Variants in BOD1 observed in about 807,000 individuals in gnomAD.
BOD1 encodes the protein biorientation of chromosomes in cell division 1, also known as biorientation of chromosomes in cell division protein 1.
Under a neutral mutation model 15.7 loss-of-function variants are expected in BOD1, and 11 were observed. The ratio of observed to expected loss-of-function variants is 0.70; its 90% CI spans 0.44 to 1.16. BOD1 has a LOEUF of 1.16. Among genes scored for constraint, BOD1 ranks in the 50% most tolerant of loss-of-function variants. BOD1 has a pLI of 0.00. For missense variants in BOD1, 182 were observed against 244.5 expected, an observed-to-expected ratio of 0.74 and a Z score of 1.70; for synonymous variants, 105 against 103.5, an observed-to-expected ratio of 1.01 and a Z score of -0.09.
intron 1 of BOD1, among the ~76,000 whole-genome samples, chr5:173,614,145 C>A (rs560809852): frequency 6.6e-6 from 1 of 152,234 alleles, no homozygotes; most frequent in Non-Finnish European, 1.5e-5. Context: ...TCCAAACGCA[C>A]GCCTACCACC....
At chr5:173,616,147 C>T in intron 1 of BOD1, 53 bp downstream of exon 1, 1 of 1,545,524 alleles carries the variant, frequency 6.5e-7, no homozygotes. Context: ...AAGCTGCCAC[C>T]CGGCGGCCTC....
At chr5:173,615,821 A>T (rs1427569046) in intron 1 of BOD1, among the ~76,000 whole-genome samples, 2 of 152,178 alleles carry the variant, frequency 1.3e-5, no homozygotes, top group African/African-American at 2.4e-5. Context: ...GTTTAATGCC[A>T]GCTTCTCAGT....
Position 173,608,003 on chromosome 5 carries a change from CTG to C in BOD1, c.*289_*290del. The C allele has an allele frequency of 2.2e-6, 1 of 459,290 alleles. No homozygotes were observed. Among genetic ancestry groups the C allele is most frequent in the East Asian group, 3.4e-5 (1 of 29,610 alleles). The allele number at this position is 459,290 out of a possible 1,614,324, so 28.5% of individuals were successfully genotyped here. A position where few individuals can be genotyped will look rare whatever the true frequency, so the allele number is the denominator to read the frequency against. ...AGTCTCCATGTTCAAGTATAAAAGTCTGTTTCAGGACAACCCTGGGTTGCTGT... is the reference window on the plus strand; with the variant it reads ...AGTCTCCATGTTCAAGTATAAAAGTCTTTCAGGACAACCCTGGGTTGCTGT... On this transcript the variant is annotated 3_prime_UTR_variant, in exon 4 of 4. Transcript: ENST00000311086.
intron 1 of BOD1, chr5:173,614,868 T>C (rs1267674734): frequency 6.6e-6 from 1 of 152,214 alleles, no homozygotes; most frequent in Non-Finnish European, 1.5e-5. Context: ...CTATATACAC[T>C]ACGCATGAAT....
intron 1 of BOD1, among the ~76,000 whole-genome samples, chr5:173,614,012 G>A (rs767937654): frequency 6.6e-6 from 1 of 152,222 alleles, no homozygotes. Flanking sequence ...CCTCTCTCTA[G>A]AGGAAGAAGC....
chr5:173,610,684 T>G (rs1341010986), intron 2 of BOD1, among the ~76,000 whole-genome samples: 2 of 152,194 alleles, frequency 1.3e-5, no homozygotes, highest in Admixed American at 1.3e-4. Flanking sequence ...ACCAAACCAC[T>G]TCCTGAGTCG....
At chr5:173,615,097 A>C (rs1374084011) in intron 1 of BOD1, among the ~76,000 whole-genome samples, 2 of 152,244 alleles carry the variant, frequency 1.3e-5, no homozygotes, top group Non-Finnish European at 2.9e-5. Context: ...GTCAATACAG[A>C]TCTGGGATGT....
intron 1 of BOD1, 71 bp downstream of exon 1, chr5:173,616,129 G>GA: frequency 1.3e-6 from 2 of 1,531,274 alleles, no homozygotes; most frequent in Non-Finnish European, 1.8e-6. Flanking sequence ...CTCGGCTTTC[G>GA]AAAATCAAAG....
intron 1 of BOD1, among the ~76,000 whole-genome samples, chr5:173,615,056 G>A (rs1389447223): frequency 6.6e-6 from 1 of 152,216 alleles, no homozygotes; most frequent in Non-Finnish European, 1.5e-5. Flanking sequence ...AATATGAATG[G>A]AGAACTTGTC....
intron 2 of BOD1, among the ~76,000 whole-genome samples, chr5:173,612,548 A>G (rs931656644): frequency 5.3e-5 from 8 of 152,100 alleles, no homozygotes; most frequent in South Asian, 4.2e-4. Context: ...GCAATCACTA[A>G]TGTGTTCTCC....
In BOD1 at chr5:173,608,132, C is replaced by A; in HGVS notation, c.*162G>T. On this transcript the variant is annotated 3_prime_UTR_variant, in exon 4 of 4. Transcript: ENST00000311086. ...GGTGACACGGTCAACTCTCCCACTGCCGAACTTGCTCCCCTTTCAATCTGG... is the reference window on the plus strand; with the variant it reads ...GGTGACACGGTCAACTCTCCCACTGACGAACTTGCTCCCCTTTCAATCTGG... 4.9e-6 allele frequency: 3 copies of A among 609,942 alleles called. No individual in the cohort carries two copies. Among genetic ancestry groups the A allele is most frequent in the South Asian group, 1.8e-5 (1 of 54,742 alleles). 37.8% of individuals were successfully genotyped at this position (609,942 alleles called of 1,614,324 possible).
Position 173,609,250 on chromosome 5 carries a change from C to T in BOD1, c.547G>A (p.Asp183Asn), listed in dbSNP as rs759545055. 6.2e-7 allele frequency: 1 copy of T among 1,613,772 alleles called. No homozygotes were observed. Among genetic ancestry groups the T allele is most frequent in the Non-Finnish European group, 8.5e-7 (1 of 1,179,826 alleles). Reference sequence around the variant, plus strand: ...TAGGATACTGGACCTTAGGAAGTGTCCTGAGATGGAGCTGGAGGGTCCTGG... The same window carrying T: ...TAGGATACTGGACCTTAGGAAGTGTTCTGAGATGGAGCTGGAGGGTCCTGG... The part of the protein sequence containing the change: ...EGQDPPAPSQ[D>N]TS The change falls in exon 3 of 4, where the codon GAC becomes AAC. Residue 183 changes from aspartate to asparagine, a missense_variant. Asp to Asn is a conservative substitution (Grantham distance 23). Around this residue, in one of 3 missense-constraint regions of BOD1, gnomAD observed 40 missense variants for 45.3 expected, o/e 0.88. Transcript: ENST00000311086.
At chr5:173,613,814 C>T (rs1755419089) in intron 1 of BOD1, among the ~76,000 whole-genome samples, 1 of 152,176 alleles carries the variant, frequency 6.6e-6, no homozygotes, top group Admixed American at 6.5e-5. Context: ...AAGAGAAAGG[C>T]AAGGAAATGG....
In BOD1 at chr5:173,610,014, GACAA is replaced by G. The variant is rs377604733; in HGVS notation, c.363-584_363-581del. ...GCAACTTGGAAGCAAACAAGAAATA[GACAA>G]ACAAATTAGTTCCAAGCTCCTAGAG... On this transcript the variant is annotated intron_variant, in intron 2 of 3. Transcript: ENST00000311086. 1.6e-3 allele frequency among the ~76,000 whole-genome samples: 244 copies of G among 152,276 alleles called. 1 individual carries two copies. The highest frequency in any genetic ancestry group is 5.7e-3 in the African/African-American group (235 of 41,556).
intron 3 of BOD1, 78 bp downstream of exon 3, chr5:173,609,160 G>T: frequency 1.4e-6 from 2 of 1,388,758 alleles, no homozygotes; most frequent in Non-Finnish European, 1.9e-6. Context: ...CTCAATTACG[G>T]CCTACCCCAT....
At position 173,608,074 on chromosome 5, in the gene BOD1, G is replaced by C. The variant is rs1325031331; in HGVS notation, c.*220C>G. ...GTGTCTACTTGGTGTCATGCCCTTG[G>C]ACAGGCTGGCCAAATGGCAGCACAA... On this transcript the variant is annotated 3_prime_UTR_variant, in exon 4 of 4. Coordinates refer to ENST00000311086, the MANE Select transcript of BOD1 (RefSeq NM_138369.3). The C allele has an allele frequency of 1.7e-6, 1 of 602,868 alleles. No homozygotes were observed. The highest frequency in any genetic ancestry group is 1.9e-5 in the African/African-American group (1 of 53,996). The allele number at this position is 602,868 out of a possible 1,614,324, so 37.3% of individuals were successfully genotyped here. A position where few individuals can be genotyped will look rare whatever the true frequency, so the allele number is the denominator to read the frequency against.
chr5:173,611,018 G>A (rs368586967), intron 2 of BOD1, among the ~76,000 whole-genome samples: 1 of 152,202 alleles, frequency 6.6e-6, no homozygotes, highest in East Asian at 1.9e-4. Context: ...CCAGAATGGT[G>A]AGAAGTAAAT....
In BOD1 at chr5:173,616,318, T is replaced by G. The variant is rs776534383; in HGVS notation, c.119A>C (p.Asn40Thr). The change falls in exon 1 of 4, where the codon AAC becomes ACC. Residue 40 changes from asparagine (N) to threonine (T), a missense_variant. Coordinates refer to ENST00000311086, the MANE Select transcript of BOD1 (RefSeq NM_138369.3). ...GTCGCCGGGAGGCAGCGAGGCCGGG[T>G]TGATGGGGCCACCGCCCCCGCTGGC... is the stretch of plus-strand genomic sequence containing the variant. ...TGASGGGGPI[N>T]PASLPPGDPQ... The G allele has an allele frequency of 6.5e-7, 1 of 1,535,814 alleles. No homozygotes were observed. Among genetic ancestry groups the G allele is most frequent in the African/African-American group, 1.4e-5 (1 of 72,232 alleles).
chr5:173,613,982 TCCCAGATTGGAG>T (rs1220226937), intron 1 of BOD1, among the ~76,000 whole-genome samples: 1 of 152,218 alleles, frequency 6.6e-6, no homozygotes, highest in African/African-American at 2.4e-5. Flanking sequence ...CCCTGGGATT[TCCCAGATTGGAG>T]CTGACAGCCT....
Sources: allele counts gnomAD v4.1 joint callset (sites outside exome capture counted in the v4.1 genomes callset), GRCh38; gene constraint gnomAD v4.1.1; regional missense constraint gnomAD v4.1.1; transcripts MANE v1.5; gene names NCBI Gene and HGNC (gene_info 2026-07-23, HGNC 2026-07-21).